Variants in PALLD observed in about 807,000 individuals in gnomAD.
PALLD encodes palladin, cytoskeletal associated protein.
In PALLD, 61 loss-of-function variants were observed where a neutral mutation model predicts 123.5. That is an observed-to-expected ratio of 0.49 (90% CI 0.40 to 0.61). PALLD has a LOEUF of 0.61. Ranked by LOEUF, PALLD falls within the 20% of genes least tolerant of loss-of-function variation. The pLI, the probability that PALLD is intolerant of heterozygous loss-of-function variation, is 0.00. For missense variants in PALLD, 1,273 were observed against 1,377.0 expected, an observed-to-expected ratio of 0.92 and a Z score of 1.20; for synonymous variants, 465 against 496.4, an observed-to-expected ratio of 0.94 and a Z score of 0.84.
intron 2 of PALLD, among the ~76,000 whole-genome samples, chr4:168,568,909 G>A (rs1403821998): frequency 2.0e-5 from 3 of 151,770 alleles, no homozygotes; most frequent in Non-Finnish European, 4.4e-5. Flanking sequence ...ATATTTTAAG[G>A]ATAGTGTCCT....
chr4:168,832,415 C>T (rs1271371359), intron 10 of PALLD, among the ~76,000 whole-genome samples: 1 of 152,068 alleles, frequency 6.6e-6, no homozygotes, highest in African/African-American at 2.4e-5. Context: ...TCTGCATCAT[C>T]TTGGCAGGGC....
At chr4:168,528,316 T>C (rs1391258976) in intron 2 of PALLD, among the ~76,000 whole-genome samples, 1 of 152,262 alleles carries the variant, frequency 6.6e-6, no homozygotes, top group East Asian at 1.9e-4. Flanking sequence ...CCCTATTATT[T>C]CTCGCTGTTT....
At chr4:168,839,814 T>A (rs573860097) in intron 10 of PALLD, among the ~76,000 whole-genome samples, 1 of 152,192 alleles carries the variant, frequency 6.6e-6, no homozygotes, top group African/African-American at 2.4e-5. Context: ...CAGATGGTAA[T>A]TTAAGCCTTG....
At chr4:168,739,502 A>C (rs1365976974) in intron 10 of PALLD, among the ~76,000 whole-genome samples, 1 of 152,242 alleles carries the variant, frequency 6.6e-6, no homozygotes, top group African/African-American at 2.4e-5. Flanking sequence ...GTTCGTTAGC[A>C]GAATAGGGTG....
At chr4:168,637,573 G>A (rs1776471970) in intron 2 of PALLD, among the ~76,000 whole-genome samples, 1 of 151,576 alleles carries the variant, frequency 6.6e-6, no homozygotes, top group Non-Finnish European at 1.5e-5. Flanking sequence ...ACAGAGCTTA[G>A]ACAAGGCATT....
intron 10 of PALLD, among the ~76,000 whole-genome samples, chr4:168,883,155 TATG>T (rs1752861440): frequency 6.6e-6 from 1 of 151,410 alleles, no homozygotes; most frequent in Non-Finnish European, 1.5e-5. Flanking sequence ...CAAAATATAA[TATG>T]AGGAGAATTT....
chr4:168,714,187 G>A (rs1785117061), intron 10 of PALLD, among the ~76,000 whole-genome samples: 1 of 151,952 alleles, frequency 6.6e-6, no homozygotes, highest in African/African-American at 2.4e-5. Flanking sequence ...ACAACACAGA[G>A]GCTATTAAAG....
At position 168,543,532 on chromosome 4, in the gene PALLD, A is replaced by G. The variant is rs1282078019; in HGVS notation, c.908+31120A>G. Among the ~76,000 whole-genome samples the G allele has an allele frequency of 2.6e-5, 4 of 151,126 alleles. No individual in the cohort carries two copies. The East Asian group carries it at 7.8e-4, about 29-fold the overall frequency. On this transcript the variant is annotated intron_variant, in intron 2 of 21. Transcript: ENST00000505667. ...TTCTACCTCCATAATGGTGTAGATG[A>G]TTGAATGCAAATGGCAGGAGGGCAA...
intron 1 of PALLD, among the ~76,000 whole-genome samples, chr4:168,509,680 G>A (rs1310120786): frequency 6.6e-6 from 1 of 152,162 alleles, no homozygotes; most frequent in African/African-American, 2.4e-5. Flanking sequence ...GCGAAATATG[G>A]TTCAGTAGAT....
At chr4:168,811,757 T>TTCTCTCTC (rs1225193326) in intron 10 of PALLD, among the ~76,000 whole-genome samples, 1 of 130,206 alleles carries the variant, frequency 7.7e-6, no homozygotes, top group Non-Finnish European at 1.7e-5. Flanking sequence ...CTCTCTCTCT[T>TTCTCTCTC]TCTCTCTCTC....
At chr4:168,636,583 A>C (rs745562949) in intron 2 of PALLD, among the ~76,000 whole-genome samples, 1 of 151,936 alleles carries the variant, frequency 6.6e-6, no homozygotes, top group African/African-American at 2.4e-5. Context: ...TATAGAACTC[A>C]CTCTCCTCAT....
chr4:168,786,657 G>A (rs935395973), intron 10 of PALLD, among the ~76,000 whole-genome samples: 20 of 152,194 alleles, frequency 1.3e-4, no homozygotes, highest in African/African-American at 3.1e-4. Flanking sequence ...GCAACAGAGC[G>A]AGACCCTGTC....
chr4:168,679,896 A>G (rs998669132), intron 3 of PALLD, among the ~76,000 whole-genome samples: 2 of 152,124 alleles, frequency 1.3e-5, no homozygotes, highest in African/African-American at 2.4e-5. Flanking sequence ...GGCCCCAGGC[A>G]AAGAAAGCCT....
chr4:168,558,543 G>A (rs575110876), intron 2 of PALLD, among the ~76,000 whole-genome samples: 1 of 152,284 alleles, frequency 6.6e-6, no homozygotes, highest in Admixed American at 6.5e-5. Flanking sequence ...CTCTTCACCA[G>A]CCCTTCTTCC....
intron 10 of PALLD, among the ~76,000 whole-genome samples, chr4:168,771,692 AC>A (rs200732748): frequency 6.6e-6 from 1 of 151,842 alleles, no homozygotes; most frequent in Non-Finnish European, 1.5e-5. Context: ...CTCAGCCATC[AC>A]CCCCCAAACA....
intron 10 of PALLD, among the ~76,000 whole-genome samples, chr4:168,871,972 G>A (rs1470223766): frequency 1.3e-5 from 2 of 152,156 alleles, no homozygotes; most frequent in Non-Finnish European, 2.9e-5. Context: ...TCCTAGATGA[G>A]ACATCTCAAC....
chr4:168,657,342 C>G (rs1034862737), intron 2 of PALLD, among the ~76,000 whole-genome samples: 6 of 152,228 alleles, frequency 3.9e-5, no homozygotes, highest in Non-Finnish European at 8.8e-5. Context: ...TCAATGTTAT[C>G]TGTCAACTTG....
At chr4:168,528,442 ACT>A (rs1365226301) in intron 2 of PALLD, among the ~76,000 whole-genome samples, 1 of 152,154 alleles carries the variant, frequency 6.6e-6, no homozygotes, top group Non-Finnish European at 1.5e-5. Context: ...TCATTCGTTC[ACT>A]CTCTGTCAAT....
chr4:168,719,793 G>C (rs1273237770), intron 10 of PALLD, among the ~76,000 whole-genome samples: 1 of 152,082 alleles, frequency 6.6e-6, no homozygotes, highest in African/African-American at 2.4e-5. Context: ...ATGTGTTCTT[G>C]TTGTTAAGCT....
Sources: allele counts gnomAD v4.1 joint callset (sites outside exome capture counted in the v4.1 genomes callset), GRCh38; gene constraint gnomAD v4.1.1; transcripts MANE v1.5; gene names NCBI Gene and HGNC (gene_info 2026-07-23, HGNC 2026-07-21).